Variants in GALNT18 observed in about 807,000 individuals in gnomAD.
The protein encoded by GALNT18 is GalNAc-transferase 18.
In GALNT18, 44 loss-of-function variants were observed where a neutral mutation model predicts 69.5. The observed-to-expected ratio is 0.63, with a 90% CI of 0.50 to 0.81. The LOEUF (loss-of-function observed/expected upper bound fraction) is 0.81, where lower values mean the gene tolerates loss of function less well. GALNT18 is among the 40% of genes least tolerant of loss of function. The pLI is 0.00. For missense variants in GALNT18, 715 were observed against 810.0 expected (o/e 0.88, Z 1.42); for synonymous variants, 364 against 318.2 (o/e 1.14, Z -1.53).
intron 1 of GALNT18, among the ~76,000 whole-genome samples, chr11:11,460,115 T>C (rs1162840915): frequency 1.3e-5 from 2 of 152,178 alleles, no homozygotes; most frequent in East Asian, 3.9e-4. Flanking sequence ...ACCTGGGCAA[T>C]ACAGGCTACT....
At chr11:11,490,615 G>A (rs1220589577) in intron 1 of GALNT18, among the ~76,000 whole-genome samples, 2 of 152,206 alleles carry the variant, frequency 1.3e-5, no homozygotes, top group African/African-American at 2.4e-5. Context: ...TATAGGGACA[G>A]GTACTATTGT....
intron 10 of GALNT18, among the ~76,000 whole-genome samples, chr11:11,277,359 C>A (rs1207458961): frequency 6.6e-6 from 1 of 152,012 alleles, no homozygotes; most frequent in Non-Finnish European, 1.5e-5. Context: ...GGTAATATCC[C>A]CTTTATCATT....
chr11:11,578,667 CG>C, intron 1 of GALNT18, among the ~76,000 whole-genome samples: 1 of 152,334 alleles, frequency 6.6e-6, no homozygotes, highest in Non-Finnish European at 1.5e-5. Flanking sequence ...GGAGATGAGG[CG>C]GGATGTCAAG....
At chr11:11,274,136 G>A (rs1222490088) in intron 10 of GALNT18, among the ~76,000 whole-genome samples, 1 of 152,182 alleles carries the variant, frequency 6.6e-6, no homozygotes, top group Non-Finnish European at 1.5e-5. Flanking sequence ...GTACCGGGAG[G>A]AACAGTGCAC....
intron 6 of GALNT18, among the ~76,000 whole-genome samples, chr11:11,362,145 A>C (rs1850657993): frequency 6.6e-6 from 1 of 152,198 alleles, no homozygotes; most frequent in Non-Finnish European, 1.5e-5. Flanking sequence ...AAGACATTGG[A>C]TCCATTCCTC....
intron 8 of GALNT18, among the ~76,000 whole-genome samples, chr11:11,328,823 A>T (rs1849970609): frequency 6.6e-6 from 1 of 152,198 alleles, no homozygotes; most frequent in Non-Finnish European, 1.5e-5. Context: ...AAAGCCAAGC[A>T]CTGTAACCCA....
At position 11,590,881 on chromosome 11, in the gene GALNT18, G is replaced by A. The variant is rs555804779; in HGVS notation, c.235+30478C>T. On this transcript the variant is annotated intron_variant, in intron 1 of 10. Transcript: ENST00000227756. This position sits in a 1 kb window ranked among gnomAD's most constrained non-coding sequence, Gnocchi z 4.4. ...AGTATAGAACATACAATTATGTACA[G>A]TACATAATCATTGATAATGATGATC... Among the ~76,000 whole-genome samples the A allele has an allele frequency of 1.3e-5, 2 of 152,176 alleles. No homozygotes were observed. Among genetic ancestry groups the A allele is most frequent in the Admixed American group, 1.3e-4 (2 of 15,294 alleles).
intron 1 of GALNT18, among the ~76,000 whole-genome samples, chr11:11,578,536 G>T (rs75551941): frequency 0.01 from 1,595 of 152,238 alleles, 27 homozygotes; most frequent in African/African-American, 0.037. Context: ...TTAAGAAGAG[G>T]TTTCCCTTTT....
At position 11,494,353 on chromosome 11, in the gene GALNT18, C is replaced by G. The variant is rs983093987; in HGVS notation, c.236-45417G>C. Among the ~76,000 whole-genome samples, 1 of 152,156 alleles carries G rather than the reference C, an allele frequency of 6.6e-6. No homozygotes were observed. Among genetic ancestry groups the G allele is most frequent in the African/African-American group, 2.4e-5 (1 of 41,422 alleles). On this transcript the variant is annotated intron_variant, in intron 1 of 10. Transcript: ENST00000227756. The surrounding 1 kb of genome is among the most constrained non-coding windows in gnomAD (Gnocchi z 5.7). The stretch of plus-strand genomic sequence containing the variant: ...CTAGGATCCCATGTGACCCTGAGAG[C>G]CTGCTTCCCCAGTCTATATTTGCCA...
chr11:11,574,790 C>T (rs928448698), intron 1 of GALNT18, among the ~76,000 whole-genome samples: 4 of 152,130 alleles, frequency 2.6e-5, no homozygotes, highest in Non-Finnish European at 4.4e-5. Flanking sequence ...GCAAAGGAGT[C>T]GTATTAGGAA....
chr11:11,405,858 C>CT (rs1326154257), intron 3 of GALNT18, among the ~76,000 whole-genome samples: 1 of 152,214 alleles, frequency 6.6e-6, no homozygotes, highest in African/African-American at 2.4e-5. Flanking sequence ...TCCTTCCATG[C>CT]TATGCCTATA....
chr11:11,590,048 G>T lies in GALNT18; in HGVS notation c.235+31311C>A, dbSNP rs1859319260. Among the ~76,000 whole-genome samples the T allele has an allele frequency of 6.6e-6, 1 of 152,206 alleles. No individual in the cohort carries two copies. The highest frequency in any genetic ancestry group is 2.4e-5 in the African/African-American group (1 of 41,434). On this transcript the variant is annotated intron_variant, in intron 1 of 10. Transcript: ENST00000227756. The surrounding 1 kb of genome is among the most constrained non-coding windows in gnomAD (Gnocchi z 4.4). ...GCTACCTTTGTGACTTTACCTAGGG[G>T]TGATATTCAAATATGTAATAACCAA... is the stretch of plus-strand genomic sequence containing the variant.
chr11:11,571,158 A>G (rs1416623239), intron 1 of GALNT18, among the ~76,000 whole-genome samples: 1 of 152,212 alleles, frequency 6.6e-6, no homozygotes, highest in African/African-American at 2.4e-5. Flanking sequence ...GATGAAAAAA[A>G]TCAAGGCTTA....
At position 11,591,468 on chromosome 11, in the gene GALNT18, T is replaced by G. The variant is rs1859360372; in HGVS notation, c.235+29891A>C. Among the ~76,000 whole-genome samples, 1 of 152,208 alleles carries G rather than the reference T, an allele frequency of 6.6e-6. No homozygotes were observed. Among genetic ancestry groups the G allele is most frequent in the South Asian group, 2.1e-4 (1 of 4,830 alleles). On this transcript the variant is annotated intron_variant, in intron 1 of 10. Coordinates refer to ENST00000227756, the MANE Select transcript of GALNT18 (RefSeq NM_198516.3). This position sits in a 1 kb window ranked among gnomAD's most constrained non-coding sequence, Gnocchi z 4.8. ...ATCCATGTTTCTCAGGCTCCTCATTTGTAAATGCAAATTATTCCAATCACA... is the reference window on the plus strand; with the variant it reads ...ATCCATGTTTCTCAGGCTCCTCATTGGTAAATGCAAATTATTCCAATCACA...
Position 11,564,521 on chromosome 11 carries a change from T to A in GALNT18, c.235+56838A>T, listed in dbSNP as rs1273470396. The stretch of plus-strand genomic sequence containing the variant: ...ACGGCCCTATGCATTTTATCTGCCT[T>A]ATTTGAGGGCTGAAAGAGTCATTTG... On this transcript the variant is annotated intron_variant, in intron 1 of 10. Coordinates refer to ENST00000227756, the MANE Select transcript of GALNT18 (RefSeq NM_198516.3). This position sits in a 1 kb window ranked among gnomAD's most constrained non-coding sequence, Gnocchi z 4.3. Among the ~76,000 whole-genome samples, 1 of 152,194 alleles carries A rather than the reference T, an allele frequency of 6.6e-6. No homozygotes were observed. The highest frequency in any genetic ancestry group is 6.5e-5 in the Admixed American group (1 of 15,280).
chr11:11,515,240 A>G (rs1857247401), intron 1 of GALNT18, among the ~76,000 whole-genome samples: 1 of 151,992 alleles, frequency 6.6e-6, no homozygotes, highest in South Asian at 2.1e-4. Flanking sequence ...AATGACCCGT[A>G]CTCAGTAAAT....
At chr11:11,520,431 G>C (rs1180069109) in intron 1 of GALNT18, among the ~76,000 whole-genome samples, 1 of 152,198 alleles carries the variant, frequency 6.6e-6, no homozygotes, top group African/African-American at 2.4e-5. Flanking sequence ...CAGCCCCTGG[G>C]AAGCAGCCTG....
chr11:11,480,126 C>A lies in GALNT18; in HGVS notation c.236-31190G>T, dbSNP rs537528293. 6.6e-6 allele frequency among the ~76,000 whole-genome samples: 1 copy of A among 152,200 alleles called. No individual in the cohort carries two copies. The highest frequency in any genetic ancestry group is 1.9e-4 in the East Asian group (1 of 5,170). ...TCACCTTCCCTACCTTGAGCTTCAA[C>A]TTCCTTTTATTCAATAACCTCCTAT... is the stretch of plus-strand genomic sequence containing the variant. On this transcript the variant is annotated intron_variant, in intron 1 of 10. Coordinates refer to ENST00000227756, the MANE Select transcript of GALNT18 (RefSeq NM_198516.3). This position sits in a 1 kb window ranked among gnomAD's most constrained non-coding sequence, Gnocchi z 4.6.
rs996195699 is a variant in GALNT18, at chr11:11,340,698, C to T, written c.1278+121G>A. ...AATAATATGTTTTGGGGTTGAGAGT[C>T]CATTCTTGCATGGCAAACAGGACTC... On this transcript the variant is annotated intron_variant, in intron 7 of 10. Transcript: ENST00000227756. The surrounding 1 kb of genome is among the most constrained non-coding windows in gnomAD (Gnocchi z 4.2). 12 of 909,300 alleles carry T rather than the reference C, an allele frequency of 1.3e-5. No individual in the cohort carries two copies. The African/African-American group carries it at 2.0e-4, about 15-fold the overall frequency. The allele number at this position is 909,300 out of a possible 1,614,324, so 56.3% of individuals were successfully genotyped here.
Sources: gnomAD v4.1 joint callset for allele counts (sites outside exome capture counted in the v4.1 genomes callset) on GRCh38, gnomAD v4.1.1 for gene constraint, Gnocchi (gnomAD v3.1) non-coding constraint, MANE v1.5 for transcripts, NCBI Gene and HGNC (gene_info 2026-07-23, HGNC 2026-07-21) for gene names.